TENM2: variants seen among roughly 807,000 people sequenced by gnomAD.
The protein encoded by TENM2 is teneurin-2.
A neutral mutation model predicts 245.2 loss-of-function variants in TENM2; 52 were observed. The observed-to-expected ratio is 0.21, with a 90% confidence interval of 0.17 to 0.27. The LOEUF is 0.27. TENM2 is among the 10% of genes least tolerant of loss of function. TENM2 has a pLI of 1.00. For synonymous variants in TENM2, 1,363 were observed against 1,438.9 expected, an observed-to-expected ratio of 0.95 and a Z score of 1.19; for missense variants, 3,046 against 3,666.8, an observed-to-expected ratio of 0.83 and a Z score of 4.37.
At chr5:167,808,485 C>G (rs927381111) in intron 2 of TENM2, among the ~76,000 whole-genome samples, 2 of 152,158 alleles carry the variant, frequency 1.3e-5, no homozygotes, top group African/African-American at 4.8e-5. Context: ...GTCTCAAACT[C>G]CTGACCTCAG....
the TENM2 span, among the ~76,000 whole-genome samples, chr5:167,029,850 ATTGTG>A: frequency 1.3e-5 from 2 of 152,284 alleles, no homozygotes; most frequent in East Asian, 3.9e-4. Flanking sequence ...TTTTATTCCA[ATTGTG>A]TAAGGGAATA....
intron 2 of TENM2, among the ~76,000 whole-genome samples, chr5:167,690,101 CTTTTTTTTTTT>C (rs370994752): frequency 1.7e-5 from 2 of 119,910 alleles, no homozygotes; most frequent in Admixed American, 8.6e-5. Context: ...AAAAAACACA[CTTTTTTTTTTT>C]TTTTTTTTTT....
intron 12 of TENM2, among the ~76,000 whole-genome samples, chr5:168,144,773 T>C (rs1755892486): frequency 6.6e-6 from 1 of 152,222 alleles, no homozygotes; most frequent in Non-Finnish European, 1.5e-5. Flanking sequence ...TCCACATGGT[T>C]GAACTAGTTT....
rs138195361 is a variant in TENM2 at position 167,897,670 on chromosome 5, C to G, written c.712+21475C>G. Among the ~76,000 whole-genome samples the G allele has an allele frequency of 2.2e-3, 333 of 152,284 alleles. 1 individual carries two copies. Among genetic ancestry groups the G allele is most frequent in the African/African-American group, 7.7e-3 (322 of 41,564 alleles). ...GCATTTTTCCCAGTAATGGGATATT[C>G]CAGCCATAGTCTCATTGGCACCCAC... is the stretch of plus-strand genomic sequence containing the variant. On this transcript the variant is annotated intron_variant, in intron 3 of 28. Coordinates refer to ENST00000518659, the Ensembl canonical transcript of TENM2.
At chr5:167,328,256 G>A (rs957295979) in intron 1 of TENM2, among the ~76,000 whole-genome samples, 1 of 142,002 alleles carries the variant, frequency 7.0e-6, no homozygotes, top group African/African-American at 2.7e-5. Flanking sequence ...CGCCAGGCTG[G>A]AGTGCAGTGG....
intron 2 of TENM2, among the ~76,000 whole-genome samples, chr5:167,695,637 T>G (rs1173902494): frequency 6.6e-6 from 1 of 152,046 alleles, no homozygotes; most frequent in African/African-American, 2.4e-5. Flanking sequence ...TAAAGCATAT[T>G]GTGTTGAACT....
chr5:167,571,199 A>G (rs1774244433), intron 2 of TENM2, among the ~76,000 whole-genome samples: 1 of 152,174 alleles, frequency 6.6e-6, no homozygotes, highest in South Asian at 2.1e-4. Flanking sequence ...AGGACCTACC[A>G]CGGCACAGAC....
At chr5:168,010,816 G>A (rs1239304466) in intron 5 of TENM2, among the ~76,000 whole-genome samples, 1 of 152,238 alleles carries the variant, frequency 6.6e-6, no homozygotes, top group Non-Finnish European at 1.5e-5. Flanking sequence ...GGCAAGCACT[G>A]TCCGTGTATT....
At chr5:168,262,254 G>A in exon 29 of TENM2, 1 of 1,606,620 alleles carries the variant, frequency 6.2e-7, no homozygotes, top group Non-Finnish European at 8.5e-7. Context: ...AGCATCGCCA[G>A]CGAAGATAGC....
intron 3 of TENM2, among the ~76,000 whole-genome samples, chr5:167,884,828 A>T (rs907023797): frequency 6.6e-6 from 1 of 152,154 alleles, no homozygotes; most frequent in Non-Finnish European, 1.5e-5. Flanking sequence ...TAAAGATTTG[A>T]CATGCTGTTT....
At chr5:167,736,923 G>T (rs1426221567) in intron 2 of TENM2, among the ~76,000 whole-genome samples, 1 of 152,134 alleles carries the variant, frequency 6.6e-6, no homozygotes, top group Non-Finnish European at 1.5e-5. Flanking sequence ...CAGTGAACTA[G>T]CCTGGTAGAA....
intron 5 of TENM2, among the ~76,000 whole-genome samples, chr5:168,009,165 T>C (rs1348427786): frequency 6.6e-6 from 1 of 152,164 alleles, no homozygotes; most frequent in Admixed American, 6.5e-5. Context: ...AAAACCACCC[T>C]CCGGGACTTG....
intron 1 of TENM2, among the ~76,000 whole-genome samples, chr5:167,285,439 A>G (rs1234649871): frequency 6.6e-6 from 1 of 152,170 alleles, no homozygotes; most frequent in African/African-American, 2.4e-5. Flanking sequence ...ATTCTGAGTT[A>G]TACGTTTCTC....
At chr5:167,513,546 G>A (rs1312640653) in intron 2 of TENM2, among the ~76,000 whole-genome samples, 1 of 152,138 alleles carries the variant, frequency 6.6e-6, no homozygotes, top group African/African-American at 2.4e-5. Flanking sequence ...CTAAATGTTT[G>A]TTTTGGCATG....
intron 2 of TENM2, among the ~76,000 whole-genome samples, chr5:167,471,917 T>C (rs762393318): frequency 5.3e-5 from 8 of 152,242 alleles, no homozygotes; most frequent in Non-Finnish European, 1.2e-4. Flanking sequence ...AGGTAAATCC[T>C]TTTCTTTCTC....
chr5:167,525,145 A>G (rs571868572), intron 2 of TENM2, among the ~76,000 whole-genome samples: 2 of 152,124 alleles, frequency 1.3e-5, no homozygotes, highest in South Asian at 4.1e-4. Flanking sequence ...CCCTCTCTCC[A>G]AGCTGCTCCC....
intron 3 of TENM2, among the ~76,000 whole-genome samples, chr5:167,904,907 A>G (rs1775969323): frequency 6.6e-6 from 1 of 152,194 alleles, no homozygotes; most frequent in Admixed American, 6.5e-5. Flanking sequence ...TCTGTGGTTG[A>G]GTCAAAAGAG....
the TENM2 span, among the ~76,000 whole-genome samples, chr5:167,057,457 T>A: frequency 6.6e-6 from 1 of 152,162 alleles, no homozygotes; most frequent in Non-Finnish European, 1.5e-5. Context: ...TAAATAAAAC[T>A]TTTTGTAATG....
chr5:167,232,973 A>G, the TENM2 span, among the ~76,000 whole-genome samples: 26 of 152,204 alleles, frequency 1.7e-4, no homozygotes, highest in Admixed American at 6.5e-5. Flanking sequence ...AAGTACTCTA[A>G]GATATTGCCT....
Sources: allele counts gnomAD v4.1 joint callset (sites outside exome capture counted in the v4.1 genomes callset), GRCh38; gene constraint gnomAD v4.1.1; transcripts MANE v1.5; gene names NCBI Gene and HGNC (gene_info 2026-07-23, HGNC 2026-07-21).